The following CRYBG1 variants were observed in gnomAD, a reference collection of about 807,000 sequenced individuals.
CRYBG1 encodes beta/gamma crystallin domain-containing protein 1.
In CRYBG1, 139 loss-of-function variants were observed where a neutral mutation model predicts 189.2. That is an observed-to-expected ratio of 0.73 (90% confidence interval 0.64 to 0.85). The LOEUF (loss-of-function observed/expected upper bound fraction) is 0.85. Ranked by LOEUF, CRYBG1 falls within the 40% of genes least tolerant of loss-of-function variation. The pLI, the probability that CRYBG1 is intolerant of heterozygous loss-of-function variation, is 0.00. For synonymous variants in CRYBG1, 1,023 were observed against 1,017.1 expected, an observed-to-expected ratio of 1.01 and a Z score of -0.11; for missense variants, 2,611 against 2,675.8, an observed-to-expected ratio of 0.98 and a Z score of 0.53.
At position 106,418,203 on chromosome 6, in the gene CRYBG1, G is replaced by A. The variant is rs530327029; in HGVS notation, c.174-33491G>A. Among the ~76,000 whole-genome samples, 6 of 152,390 alleles carry A rather than the reference G, an allele frequency of 3.9e-5. No individual in the cohort carries two copies. In the East Asian group the frequency reaches 9.6e-4, roughly 24 times the overall value. ...AGGAAAGTCCCCCCAATGTGGCTGA[G>A]TCTGGAGCTTTTATGAGCTTAGAAT... On this transcript the variant is annotated intron_variant, in intron 1 of 21. Coordinates refer to ENST00000633556, the MANE Select transcript of CRYBG1 (RefSeq NM_001371242.2).
At chr6:106,424,408 G>A (rs1771189004) in intron 1 of CRYBG1, among the ~76,000 whole-genome samples, 1 of 152,052 alleles carries the variant, frequency 6.6e-6, no homozygotes, top group Non-Finnish European at 1.5e-5. Flanking sequence ...CCTTCCCACT[G>A]CATATGGCCT....
intron 2 of CRYBG1, among the ~76,000 whole-genome samples, chr6:106,500,582 T>C (rs1388698515): frequency 2.0e-5 from 3 of 152,242 alleles, no homozygotes; most frequent in Non-Finnish European, 4.4e-5. Flanking sequence ...ATCCAATGTA[T>C]GATTTGCACA....
At chr6:106,491,929 T>A (rs576195308) in intron 2 of CRYBG1, among the ~76,000 whole-genome samples, 1 of 152,296 alleles carries the variant, frequency 6.6e-6, no homozygotes, top group South Asian at 2.1e-4. Context: ...CCACCAATCT[T>A]CTTCGTGCCT....
chr6:106,419,402 A>T (rs1490303363), intron 1 of CRYBG1, among the ~76,000 whole-genome samples: 1 of 152,212 alleles, frequency 6.6e-6, no homozygotes, highest in Non-Finnish European at 1.5e-5. Flanking sequence ...TTGGTTTTTG[A>T]GACAGGGTCT....
At chr6:106,438,393 C>G (rs1180949034) in intron 1 of CRYBG1, among the ~76,000 whole-genome samples, 5 of 152,182 alleles carry the variant, frequency 3.3e-5, no homozygotes, top group Admixed American at 6.5e-5. Context: ...TTTTTTCTCT[C>G]TCACAGTCTG....
At chr6:106,498,141 A>G (rs1008270268) in intron 2 of CRYBG1, among the ~76,000 whole-genome samples, 3 of 151,924 alleles carry the variant, frequency 2.0e-5, no homozygotes, top group Non-Finnish European at 4.4e-5. Flanking sequence ...AAATCACAAA[A>G]GAGGAAAAAC....
At chr6:106,492,960 T>C (rs999150856) in intron 2 of CRYBG1, among the ~76,000 whole-genome samples, 3 of 143,920 alleles carry the variant, frequency 2.1e-5, no homozygotes, top group Non-Finnish European at 3.0e-5. Context: ...ATTAACCTTT[T>C]TCTATTTTTA....
intron 13 of CRYBG1, among the ~76,000 whole-genome samples, chr6:106,550,861 GAAA>G (rs576875695): frequency 6.8e-6 from 1 of 146,826 alleles, no homozygotes; most frequent in African/African-American, 2.5e-5. Flanking sequence ...AATACAATTA[GAAA>G]AAAAAAAGCA....
At chr6:106,373,868 T>C (rs924201360) in intron 1 of CRYBG1, among the ~76,000 whole-genome samples, 3 of 152,216 alleles carry the variant, frequency 2.0e-5, no homozygotes, top group Non-Finnish European at 4.4e-5. Flanking sequence ...TTATAGACTT[T>C]CTCTAATTTT....
At chr6:106,479,246 G>A (rs1772396219) in intron 2 of CRYBG1, among the ~76,000 whole-genome samples, 1 of 152,168 alleles carries the variant, frequency 6.6e-6, no homozygotes, top group Admixed American at 6.5e-5. Flanking sequence ...ATTTCTGGGT[G>A]TCTTAGCTTG....
chr6:106,432,289 G>A (rs944617025), intron 1 of CRYBG1, among the ~76,000 whole-genome samples: 2 of 152,132 alleles, frequency 1.3e-5, no homozygotes, highest in Non-Finnish European at 2.9e-5. Context: ...AATGGAAGGA[G>A]GTCCATCAAG....
At chr6:106,540,336 C>T (rs775785341) in intron 9 of CRYBG1, among the ~76,000 whole-genome samples, 2 of 152,108 alleles carry the variant, frequency 1.3e-5, no homozygotes, top group African/African-American at 4.8e-5. Context: ...AGCTGCACTT[C>T]GCAGTTGTCT....
chr6:106,533,410 C>T (rs2353047), intron 8 of CRYBG1, among the ~76,000 whole-genome samples: 104,129 of 152,140 alleles, frequency 0.68, 36,378 homozygotes, highest in South Asian at 0.84. Flanking sequence ...ATTTACTCTA[C>T]GTGGCATGGA....
At position 106,541,632 on chromosome 6, in the gene CRYBG1, A is replaced by G. The variant is rs1774133484; in HGVS notation, c.4881+11A>G. 6.3e-7 allele frequency: 1 copy of G among 1,587,118 alleles called. No homozygotes were observed. The highest frequency in any genetic ancestry group is 2.2e-5 in the East Asian group (1 of 44,614). ...CCTACAGATCCAAAGGTAAAAATATATATGTATTTTTGTATGTATGTATAT... is the reference window on the plus strand; with the variant it reads ...CCTACAGATCCAAAGGTAAAAATATGTATGTATTTTTGTATGTATGTATAT... On this transcript the variant is annotated intron_variant, in intron 10 of 21. Transcript: ENST00000633556.
chr6:106,404,805 G>A (rs1463268029), intron 1 of CRYBG1, among the ~76,000 whole-genome samples: 1 of 152,152 alleles, frequency 6.6e-6, no homozygotes, highest in Non-Finnish European at 1.5e-5. Flanking sequence ...CCCAACCCAA[G>A]GGAAGCTGTG....
At position 106,367,467 on chromosome 6, in the gene CRYBG1, A is replaced by G. The variant is rs556693666; in HGVS notation, c.173+6386A>G. On this transcript the variant is annotated intron_variant, in intron 1 of 21. Coordinates refer to ENST00000633556, the MANE Select transcript of CRYBG1 (RefSeq NM_001371242.2). Reference sequence around the variant, plus strand: ...CTGGGCGTGGTGGCATACGCCTGTAATCCCGTCTACTTGGGAGGTTGAGGC... The same window carrying G: ...CTGGGCGTGGTGGCATACGCCTGTAGTCCCGTCTACTTGGGAGGTTGAGGC... Among the ~76,000 whole-genome samples, 81 of 151,442 alleles carry G rather than the reference A, an allele frequency of 5.3e-4. 1 individual carries two copies. The South Asian group carries it at 0.01, about 19-fold the overall frequency.
At chr6:106,424,594 T>C (rs1042735721) in intron 1 of CRYBG1, among the ~76,000 whole-genome samples, 1 of 152,148 alleles carries the variant, frequency 6.6e-6, no homozygotes, top group Non-Finnish European at 1.5e-5. Flanking sequence ...CCCGAGTAGC[T>C]GAGATTACAG....
intron 1 of CRYBG1, among the ~76,000 whole-genome samples, chr6:106,365,563 C>T (rs531442210): frequency 5.8e-4 from 88 of 151,058 alleles, no homozygotes; most frequent in Non-Finnish European, 1.0e-3. Context: ...GCTAGGATTA[C>T]GGGTGTGAGC....
At chr6:106,523,624 T>C (rs963689660) in intron 4 of CRYBG1, among the ~76,000 whole-genome samples, 2 of 152,184 alleles carry the variant, frequency 1.3e-5, no homozygotes, top group African/African-American at 4.8e-5. Flanking sequence ...AATTTTGTTT[T>C]AAATTTTAGG....
Sources: gnomAD v4.1 joint callset for allele counts (sites outside exome capture counted in the v4.1 genomes callset) on GRCh38, gnomAD v4.1.1 for gene constraint, MANE v1.5 for transcripts, NCBI Gene and HGNC (gene_info 2026-07-23, HGNC 2026-07-21) for gene names.